The following RGS3 variants were observed in gnomAD, a reference collection of about 807,000 sequenced individuals.
RGS3 encodes regulator of G-protein signalling 3.
RGS3 carries 80 observed loss-of-function variants against 132.6 expected under a neutral mutation model. The observed-to-expected ratio is 0.60, with a 90% CI of 0.50 to 0.73. The LOEUF (loss-of-function observed/expected upper bound fraction) is 0.73. Among genes scored for constraint, RGS3 ranks in the 30% least tolerant of loss-of-function variants. RGS3 has a pLI of 0.00. For synonymous variants in RGS3, 598 were observed against 620.6 expected (o/e 0.96, Z 0.54); for missense variants, 1,382 against 1,530.8 (o/e 0.90, Z 1.62).
intron 16 of RGS3, among the ~76,000 whole-genome samples, chr9:113,521,454 T>A (rs905563419): frequency 3.3e-5 from 5 of 152,252 alleles, no homozygotes; most frequent in African/African-American, 1.2e-4. Context: ...TTAACTATTT[T>A]AAAAATGTAT....
chr9:113,484,184 A>G (rs762507004), exon 6 of RGS3: 2 of 1,613,190 alleles, frequency 1.2e-6, no homozygotes, highest in African/African-American at 2.7e-5. Flanking sequence ...CAGAAGACGC[A>G]GACCGTTCCA....
At chr9:113,592,094 G>C (rs1835463174) in intron 21 of RGS3, 1 of 152,356 alleles carries the variant, frequency 6.6e-6, no homozygotes, top group Admixed American at 6.5e-5. Context: ...CCACCACTAG[G>C]CAGGAATTGG....
At chr9:113,503,194 CG>C (rs564085834) in intron 10 of RGS3, among the ~76,000 whole-genome samples, 26 of 152,302 alleles carry the variant, frequency 1.7e-4, no homozygotes, top group Non-Finnish European at 3.5e-4. Flanking sequence ...GCCAAGGCCT[CG>C]GGGCAGGGCT....
At chr9:113,452,438 CTTTTAAGA>C in intron 1 of RGS3, among the ~76,000 whole-genome samples, 2 of 146,590 alleles carry the variant, frequency 1.4e-5, no homozygotes, top group Middle Eastern at 7.0e-3. Flanking sequence ...TTTCTGGCTG[CTTTTAAGA>C]TTTTATCTTT....
At chr9:113,447,603 C>G (rs576219152) in intron 1 of RGS3, among the ~76,000 whole-genome samples, 9 of 151,714 alleles carry the variant, frequency 5.9e-5, no homozygotes, top group Middle Eastern at 3.4e-3. Context: ...TTTGCTCATT[C>G]ATTTATTTGC....
At chr9:113,541,041 T>C (rs550705193) in intron 19 of RGS3, among the ~76,000 whole-genome samples, 11 of 152,344 alleles carry the variant, frequency 7.2e-5, no homozygotes, top group Middle Eastern at 3.4e-3. Flanking sequence ...GGAGCACATA[T>C]GACAACTGCT....
intron 21 of RGS3, chr9:113,594,076 A>G (rs1835599589): frequency 6.2e-7 from 1 of 1,612,708 alleles, no homozygotes; most frequent in Non-Finnish European, 8.5e-7. Flanking sequence ...GGTCCCTCCC[A>G]TTTCCTGGCT....
intron 16 of RGS3, among the ~76,000 whole-genome samples, chr9:113,521,890 GTTC>G (rs1461984748): frequency 6.6e-6 from 1 of 152,206 alleles, no homozygotes; most frequent in Non-Finnish European, 1.5e-5. Context: ...CTTCTGGCTG[GTTC>G]TTCTTCAGAA....
At chr9:113,522,829 T>C (rs1383369865) in intron 16 of RGS3, 101 bp from the exon 15 acceptor site, 8 of 784,594 alleles carry the variant, frequency 1.0e-5, no homozygotes, top group Non-Finnish European at 1.9e-5. Flanking sequence ...GGATGCATTA[T>C]CTGGGGAGGC....
intron 3 of RGS3, among the ~76,000 whole-genome samples, chr9:113,469,921 T>C (rs1374623682): frequency 2.0e-5 from 3 of 151,564 alleles, no homozygotes; most frequent in East Asian, 3.9e-4. Context: ...TTTTTGTCGT[T>C]GTTGTTTTGA....
At chr9:113,583,366 T>C in intron 19 of RGS3, 84 bp from the exon 18 acceptor site, 2 of 1,525,132 alleles carry the variant, frequency 1.3e-6, no homozygotes, top group Non-Finnish European at 1.8e-6. Flanking sequence ...GGCCACTGCC[T>C]GATTTCATGT....
chr9:113,562,648 C>G (rs1374601356), intron 19 of RGS3, among the ~76,000 whole-genome samples: 1 of 152,076 alleles, frequency 6.6e-6, no homozygotes, highest in Non-Finnish European at 1.5e-5. Flanking sequence ...TCCTGAGTAC[C>G]CGGGTGCTGA....
At chr9:113,545,701 A>G (rs949101351) in intron 19 of RGS3, among the ~76,000 whole-genome samples, 1 of 152,188 alleles carries the variant, frequency 6.6e-6, no homozygotes, top group Non-Finnish European at 1.5e-5. Flanking sequence ...TAAAGGTAGA[A>G]TGATAACATA....
At chr9:113,550,253 C>T (rs950299050) in intron 19 of RGS3, among the ~76,000 whole-genome samples, 3 of 152,266 alleles carry the variant, frequency 2.0e-5, no homozygotes, top group African/African-American at 7.2e-5. Context: ...GTCCCAGCTA[C>T]TGGGGAGGCT....
At chr9:113,457,688 CA>C (rs1285968810), upstream of RGS3, among the ~76,000 whole-genome samples, 1 of 152,190 alleles carries the variant, frequency 6.6e-6, no homozygotes, top group Non-Finnish European at 1.5e-5. Context: ...ACTAGTTTAG[CA>C]ACCTGATTCA....
At chr9:113,525,270 GAT>G (rs1303366808) in intron 17 of RGS3, among the ~76,000 whole-genome samples, 1 of 152,164 alleles carries the variant, frequency 6.6e-6, no homozygotes, top group African/African-American at 2.4e-5. Context: ...CCAACGCTTA[GAT>G]TTCTTTCCAG....
chr9:113,561,543 G>A (rs1280116169), intron 19 of RGS3, among the ~76,000 whole-genome samples: 1 of 151,356 alleles, frequency 6.6e-6, no homozygotes, highest in East Asian at 2.0e-4. Context: ...CTCTTGAGTA[G>A]CTGGGATCAC....
intron 19 of RGS3, among the ~76,000 whole-genome samples, chr9:113,552,553 C>T (rs1359419858): frequency 2.6e-5 from 4 of 152,244 alleles, no homozygotes; most frequent in Admixed American, 6.5e-5. Flanking sequence ...CTCCTGACCT[C>T]GTAATCCGTC....
At chr9:113,464,801 T>G (rs1205146278) in intron 3 of RGS3, among the ~76,000 whole-genome samples, 1 of 152,240 alleles carries the variant, frequency 6.6e-6, no homozygotes, top group Non-Finnish European at 1.5e-5. Context: ...TACTGGACAT[T>G]GCCCAGCTTT....
Sources: gnomAD v4.1 joint callset for allele counts (sites outside exome capture counted in the v4.1 genomes callset) on GRCh38, gnomAD v4.1.1 for gene constraint, MANE v1.5 for transcripts, NCBI Gene and HGNC (gene_info 2026-07-23, HGNC 2026-07-21) for gene names.